Variants in CAMTA1 observed in about 807,000 individuals in gnomAD.
CAMTA1 encodes the protein calmodulin binding transcription activator 1.
CAMTA1 carries 27 observed loss-of-function variants against 170.9 expected under a neutral mutation model. The observed-to-expected ratio is 0.16, with a 90% CI of 0.12 to 0.22. CAMTA1 has a LOEUF of 0.22. CAMTA1 is among the 10% of genes least tolerant of loss of function. The pLI, the probability that CAMTA1 is intolerant of heterozygous loss-of-function variation, is 1.00. For synonymous variants in CAMTA1, 833 were observed against 891.5 expected (o/e 0.93, Z 1.17); for missense variants, 1,619 against 2,217.2 (o/e 0.73, Z 5.42).
At chr1:7,103,956 T>G (rs1037925364) in intron 4 of CAMTA1, among the ~76,000 whole-genome samples, 1 of 123,632 alleles carries the variant, frequency 8.1e-6, no homozygotes, top group African/African-American at 3.1e-5. Context: ...CACACGTACA[T>G]ACAACTACAC....
intron 11 of CAMTA1, chr1:7,693,306 C>A (rs993583943): frequency 1.3e-5 from 2 of 152,204 alleles, no homozygotes; most frequent in African/African-American, 2.4e-5. Flanking sequence ...GAGATGTATT[C>A]ACTATCGTGA....
Position 7,249,362 on chromosome 1 carries a change from A to G in CAMTA1, c.303-129A>G. 2.0e-6 allele frequency: 2 copies of G among 998,082 alleles called. No homozygotes were observed. Among genetic ancestry groups the G allele is most frequent in the Non-Finnish European group, 2.9e-6 (2 of 685,690 alleles). 61.8% of individuals were successfully genotyped at this position (998,082 alleles called of 1,614,324 possible). ...ATCCAGGGAGATGCAATAAAAGGTG[A>G]AAAATTATGTTCCAGCAAATGTGGA... On this transcript the variant is annotated intron_variant, in intron 4 of 22. Coordinates refer to ENST00000303635, the MANE Select transcript of CAMTA1 (RefSeq NM_015215.4). The surrounding 1 kb of genome is among the most constrained non-coding windows in gnomAD (Gnocchi z 4.4).
chr1:7,431,669 G>C (rs61639978), intron 5 of CAMTA1, among the ~76,000 whole-genome samples: 43,908 of 151,866 alleles, frequency 0.29, 7,984 homozygotes, highest in Admixed American at 0.39. Context: ...CGCCGCTCAA[G>C]CATACCCCAG....
At position 7,664,249 on chromosome 1, in the gene CAMTA1, C is replaced by T. The variant is rs2095983959; in HGVS notation, c.1702C>T (p.Leu568Phe). 4.3e-6 allele frequency: 7 copies of T among 1,612,584 alleles called. No individual in the cohort carries two copies. Among genetic ancestry groups the T allele is most frequent in the Non-Finnish European group, 5.9e-6 (7 of 1,179,948 alleles). Reference protein sequence around the residue: ...SSLTLTAGSSLLPSGGGLSPS... With the variant: ...SSLTLTAGSSFLPSGGGLSPS... The stretch of plus-strand genomic sequence containing the variant: ...CCTCACCCTGACCGCCGGCTCCAGC[C>T]TCCTGCCGTCGGGCGGCGGCCTGAG... Residue 568 changes from leucine (L) to phenylalanine (F), a missense_variant, in exon 9 of 23, where the codon CTC becomes TTC. Around this residue, in one of 8 missense-constraint regions of CAMTA1, gnomAD observed 731 missense variants for 907.6 expected, o/e 0.81. Coordinates refer to ENST00000303635, the MANE Select transcript of CAMTA1 (RefSeq NM_015215.4).
Position 7,027,560 on chromosome 1 carries a change from C to T in CAMTA1, c.235-63744C>T, listed in dbSNP as rs76540795. 2.4e-3 allele frequency among the ~76,000 whole-genome samples: 371 copies of T among 152,264 alleles called. 6 individuals carry two copies. The highest frequency in any genetic ancestry group is 8.7e-3 in the East Asian group (45 of 5,180). ...AGCTTGGTGTTTTTGGTGGCAGATG[C>T]GGTGACGCCCTGGCTGGTAGTGTTT... On this transcript the variant is annotated intron_variant, in intron 3 of 22. Coordinates refer to ENST00000303635, the MANE Select transcript of CAMTA1 (RefSeq NM_015215.4).
At chr1:6,840,295 T>C (rs1289541048) in intron 3 of CAMTA1, among the ~76,000 whole-genome samples, 1 of 152,170 alleles carries the variant, frequency 6.6e-6, no homozygotes, top group Non-Finnish European at 1.5e-5. Context: ...AAGCTTTATG[T>C]TCAAAGGCTT....
At chr1:7,276,291 A>ATTTTTTTTTTTTTTTTTTTTTTTTT (rs1257658481) in intron 5 of CAMTA1, among the ~76,000 whole-genome samples, 1 of 51,328 alleles carries the variant, frequency 1.9e-5, no homozygotes, top group African/African-American at 1.6e-4. Context: ...ATATATATAT[A>ATTTTTTTTTTTTTTTTTTTTTTTTT]TATATATATA....
At chr1:7,413,363 C>T (rs1483647999) in intron 5 of CAMTA1, among the ~76,000 whole-genome samples, 12 of 152,186 alleles carry the variant, frequency 7.9e-5, no homozygotes, top group African/African-American at 1.2e-4. Flanking sequence ...GCCATTTTCA[C>T]GATATTGATT....
chr1:7,429,977 T>C (rs1050722730), intron 5 of CAMTA1, among the ~76,000 whole-genome samples: 7 of 152,056 alleles, frequency 4.6e-5, no homozygotes, highest in Non-Finnish European at 7.4e-5. Flanking sequence ...GTGTTAATCA[T>C]GAGAAACCAC....
intron 3 of CAMTA1, among the ~76,000 whole-genome samples, chr1:6,892,197 T>C (rs1417332593): frequency 6.6e-6 from 1 of 152,220 alleles, no homozygotes; most frequent in Non-Finnish European, 1.5e-5. Flanking sequence ...TTACTAAATT[T>C]TGTGAGATCA....
chr1:6,947,762 T>G (rs1269102903), intron 3 of CAMTA1, among the ~76,000 whole-genome samples: 1 of 152,232 alleles, frequency 6.6e-6, no homozygotes, highest in Non-Finnish European at 1.5e-5. Flanking sequence ...TTTTCCTAAG[T>G]ATTTTATCCT....
chr1:7,096,402 T>C (rs1642081610), intron 4 of CAMTA1, among the ~76,000 whole-genome samples: 1 of 152,132 alleles, frequency 6.6e-6, no homozygotes, highest in Non-Finnish European at 1.5e-5. Flanking sequence ...GACACCATGG[T>C]CTCACCGTCA....
chr1:7,568,659 G>A (rs1282866538), intron 6 of CAMTA1, among the ~76,000 whole-genome samples: 19 of 78,950 alleles, frequency 2.4e-4, no homozygotes, highest in African/African-American at 4.7e-4. Flanking sequence ...CATCAACATC[G>A]CCATCATCAT....
intron 3 of CAMTA1, among the ~76,000 whole-genome samples, chr1:6,913,339 G>T (rs150087187): frequency 6.6e-6 from 1 of 152,114 alleles, no homozygotes; most frequent in African/African-American, 2.4e-5. Context: ...CCATCAGGAC[G>T]GTCAGAGCTC....
At position 7,769,565 on chromosome 1, in the gene CAMTA1, T is replaced by C. The variant is rs536284191; in HGVS notation, c.*3074T>C. 2.0e-5 allele frequency: 3 copies of C among 152,920 alleles called. No homozygotes were observed. The highest frequency in any genetic ancestry group is 2.0e-4 in the Admixed American group (3 of 15,306). The allele number at this position is 152,920 out of a possible 1,614,324, so 9.5% of individuals were successfully genotyped here. On this transcript the variant is annotated 3_prime_UTR_variant, in exon 23 of 23. Coordinates refer to ENST00000303635, the MANE Select transcript of CAMTA1 (RefSeq NM_015215.4). ...TTGTAATTGTGCATGTAAAGCATCATTGAATCAATGGATCTGTTGAAGAAC... is the reference window on the plus strand; with the variant it reads ...TTGTAATTGTGCATGTAAAGCATCACTGAATCAATGGATCTGTTGAAGAAC...
chr1:7,327,174 T>C (rs561910011), intron 5 of CAMTA1, among the ~76,000 whole-genome samples: 10 of 151,748 alleles, frequency 6.6e-5, no homozygotes, highest in Admixed American at 4.6e-4. Context: ...CCCAGCACTT[T>C]GGGAGGCCGA....
chr1:7,399,356 C>T (rs2089702360), intron 5 of CAMTA1, among the ~76,000 whole-genome samples: 1 of 152,152 alleles, frequency 6.6e-6, no homozygotes, highest in South Asian at 2.1e-4. Flanking sequence ...TAGCCCTCAC[C>T]AGAAGCAGAT....
At chr1:6,979,669 G>A (rs187201607) in intron 3 of CAMTA1, among the ~76,000 whole-genome samples, 73 of 152,312 alleles carry the variant, frequency 4.8e-4, no homozygotes, top group Admixed American at 2.8e-3. Context: ...ACTTAGAGGC[G>A]TTCTTAGAAC....
chr1:6,978,349 C>T (rs944381898), intron 3 of CAMTA1, among the ~76,000 whole-genome samples: 19 of 152,112 alleles, frequency 1.2e-4, no homozygotes, highest in African/African-American at 4.6e-4. Context: ...AATGTATACA[C>T]CAGGCCAGGC....
Sources: gnomAD v4.1 joint callset for allele counts (sites outside exome capture counted in the v4.1 genomes callset) on GRCh38, gnomAD v4.1.1 for gene constraint, gnomAD v4.1.1 regional missense constraint, Gnocchi (gnomAD v3.1) non-coding constraint, MANE v1.5 for transcripts, NCBI Gene and HGNC (gene_info 2026-07-23, HGNC 2026-07-21) for gene names.